KCNQ1: variants seen among roughly 807,000 people sequenced by gnomAD.
KCNQ1 encodes potassium voltage-gated channel subfamily Q member 1, also known as potassium voltage-gated channel subfamily KQT member 1.
KCNQ1 carries 49 observed loss-of-function variants against 72.4 expected under a neutral mutation model. That is an observed-to-expected ratio of 0.68 (90% CI 0.54 to 0.86). KCNQ1 has a LOEUF of 0.86. KCNQ1 is among the 40% of genes least tolerant of loss of function. The pLI, the probability that KCNQ1 is intolerant of heterozygous loss-of-function variation, is 0.00. For synonymous variants in KCNQ1, 450 were observed against 412.6 expected, an observed-to-expected ratio of 1.09 and a Z score of -1.10; for missense variants, 790 against 945.1, an observed-to-expected ratio of 0.84 and a Z score of 2.15.
rs1323067035 is a variant in KCNQ1 at position 2,715,027 on chromosome 11, G to T, written c.1514+52946G>T. Among the ~76,000 whole-genome samples, 1 of 152,150 alleles carries T rather than the reference G, an allele frequency of 6.6e-6. No homozygotes were observed. The highest frequency in any genetic ancestry group is 1.5e-5 in the Non-Finnish European group (1 of 68,014). On this transcript the variant is annotated intron_variant, in intron 11 of 15. Transcript: ENST00000155840. This position sits in a 1 kb window ranked among gnomAD's most constrained non-coding sequence, Gnocchi z 4.9. ...CAGAGCTCCAGGGTGCAGCTGGGCA[G>T]ATTGCCGGTGGTTGGTGCTGGTGAG...
rs1050352990 is a variant in KCNQ1 at position 2,589,712 on chromosome 11, G to A, written c.1393+858G>A. ...CCCATGCCTCCCGCCAACTTCTGCT[G>A]TTCCCAGAAGTGCAGCTGGCTGAGC... On this transcript the variant is annotated intron_variant, in intron 10 of 15. Coordinates refer to ENST00000155840, the MANE Select transcript of KCNQ1 (RefSeq NM_000218.3). 3.3e-5 allele frequency among the ~76,000 whole-genome samples: 5 copies of A among 152,198 alleles called. No homozygotes were observed. In the South Asian group the frequency reaches 8.3e-4, roughly 25 times the overall value.
At chr11:2,835,425 A>G (rs1296717282) in intron 15 of KCNQ1, among the ~76,000 whole-genome samples, 2 of 141,600 alleles carry the variant, frequency 1.4e-5, no homozygotes, top group African/African-American at 2.7e-5. Context: ...ACACACACAC[A>G]CACGCACACA....
rs539347410 is a variant in KCNQ1 at position 2,789,677 on chromosome 11, GC to G, written c.1794+11643del. Among the ~76,000 whole-genome samples, 27 of 152,336 alleles carry G rather than the reference GC, an allele frequency of 1.8e-4. No individual in the cohort carries two copies. In the South Asian group the frequency reaches 5.6e-3, roughly 32 times the overall value. On this transcript the variant is annotated intron_variant, in intron 15 of 15. Transcript: ENST00000155840. ...GGGCCGTCGGCCTCCCCCTTCCCAG[GC>G]CCAGCTCCTGGGCACTGGGACCACC...
At position 2,781,584 on chromosome 11, in the gene KCNQ1, C is replaced by T. The variant is rs1303706809; in HGVS notation, c.1794+3547C>T. ...GGGCTGGCAGTCTGTGTGGGGGCTG[C>T]ATACCCCAGACATTCTGAGGAATCG... On this transcript the variant is annotated intron_variant, in intron 15 of 15. Transcript: ENST00000155840. The surrounding 1 kb of genome is among the most constrained non-coding windows in gnomAD (Gnocchi z 6.6). Among the ~76,000 whole-genome samples, 2 of 152,224 alleles carry T rather than the reference C, an allele frequency of 1.3e-5. No homozygotes were observed. The highest frequency in any genetic ancestry group is 2.9e-5 in the Non-Finnish European group (2 of 68,030).
Position 2,668,267 on chromosome 11 carries a change from T to C in KCNQ1, c.1514+6186T>C. The C allele has an allele frequency of 7.5e-6, 3 of 398,640 alleles. No individual in the cohort carries two copies. Among genetic ancestry groups the C allele is most frequent in the Non-Finnish European group, 1.3e-5 (3 of 226,102 alleles). 24.7% of individuals were successfully genotyped at this position (398,640 alleles called of 1,614,324 possible). ...TCTGGTGTAGGTTGCTGTTTAAGAA[T>C]ATTCTGTACATGCTTTTGGTGAGCA... On this transcript the variant is annotated intron_variant, in intron 11 of 15. Coordinates refer to ENST00000155840, the MANE Select transcript of KCNQ1 (RefSeq NM_000218.3). The surrounding 1 kb of genome is among the most constrained non-coding windows in gnomAD (Gnocchi z 4.3).
rs878854350 is a variant in KCNQ1, at chr11:2,776,984, A to G, written c.1686-2A>G. The stretch of plus-strand genomic sequence containing the variant: ...AACTGGTGTCTGTGTCCTTCTCTCC[A>G]GGCTGGACCAGTCCATTGGGAAGCC... On this transcript the variant is annotated splice_acceptor_variant, in intron 13 of 15. Coordinates refer to ENST00000155840, the MANE Select transcript of KCNQ1 (RefSeq NM_000218.3). LOFTEE classifies it high-confidence loss of function. 4 of 1,614,038 alleles carry G rather than the reference A, an allele frequency of 2.5e-6. No individual in the cohort carries two copies. The South Asian group carries it at 3.3e-5, about 13-fold the overall frequency.
chr11:2,759,263 G>A lies in KCNQ1; in HGVS notation c.1515-9581G>A, dbSNP rs1158345050. Among the ~76,000 whole-genome samples the A allele has an allele frequency of 6.6e-6, 1 of 152,200 alleles. No individual in the cohort carries two copies. Among genetic ancestry groups the A allele is most frequent in the African/African-American group, 2.4e-5 (1 of 41,444 alleles). On this transcript the variant is annotated intron_variant, in intron 11 of 15. Coordinates refer to ENST00000155840, the MANE Select transcript of KCNQ1 (RefSeq NM_000218.3). This position sits in a 1 kb window ranked among gnomAD's most constrained non-coding sequence, Gnocchi z 4.4. Reference sequence around the variant, plus strand: ...AGGAAGAGTCTGGAAGGCCTGCAAGGCCCTCATGCCTACGAGGTGGCTGCT... The same window carrying A: ...AGGAAGAGTCTGGAAGGCCTGCAAGACCCTCATGCCTACGAGGTGGCTGCT...
At chr11:2,822,114 C>T (rs1015777199) in intron 15 of KCNQ1, among the ~76,000 whole-genome samples, 1 of 152,160 alleles carries the variant, frequency 6.6e-6, no homozygotes, top group Non-Finnish European at 1.5e-5. Context: ...GCTTTGAAGA[C>T]GGAGGAGGGG....
intron 11 of KCNQ1, among the ~76,000 whole-genome samples, chr11:2,721,383 T>C (rs1851200221): frequency 6.6e-6 from 1 of 152,210 alleles, no homozygotes; most frequent in East Asian, 1.9e-4. Flanking sequence ...GGGCGCTTTG[T>C]AGCGAGGCCG....
In KCNQ1 at chr11:2,723,254, A is replaced by G. The variant is rs951341840; in HGVS notation, c.1515-45590A>G. On this transcript the variant is annotated intron_variant, in intron 11 of 15. Coordinates refer to ENST00000155840, the MANE Select transcript of KCNQ1 (RefSeq NM_000218.3). This position sits in a 1 kb window ranked among gnomAD's most constrained non-coding sequence, Gnocchi z 4.2. ...ACCCCACTCCCTGCCGCCCTGGACAAGGTGCCCACGGCCCTGTCCCATTTA... is the reference window on the plus strand; with the variant it reads ...ACCCCACTCCCTGCCGCCCTGGACAGGGTGCCCACGGCCCTGTCCCATTTA... Among the ~76,000 whole-genome samples the G allele has an allele frequency of 6.6e-6, 1 of 152,204 alleles. No individual in the cohort carries two copies. The highest frequency in any genetic ancestry group is 6.5e-5 in the Admixed American group (1 of 15,288).
rs1034817784 is a variant in KCNQ1 at position 2,462,367 on chromosome 11, T to C, written c.386+16883T>C. Among the ~76,000 whole-genome samples the C allele has an allele frequency of 3.9e-5, 6 of 152,126 alleles. No homozygotes were observed. Among genetic ancestry groups the C allele is most frequent in the African/African-American group, 4.8e-5 (2 of 41,416 alleles). Reference sequence around the variant, plus strand: ...CTCCTCCTCCTTCTGACTTGCCTCCTCTCTCTGACGGGCCTGCTCCTGAGC... The same window carrying C: ...CTCCTCCTCCTTCTGACTTGCCTCCCCTCTCTGACGGGCCTGCTCCTGAGC... On this transcript the variant is annotated intron_variant, in intron 1 of 15. Coordinates refer to ENST00000155840, the MANE Select transcript of KCNQ1 (RefSeq NM_000218.3). This position sits in a 1 kb window ranked among gnomAD's most constrained non-coding sequence, Gnocchi z 8.2.
Position 2,627,018 on chromosome 11 carries a change from T to G in KCNQ1, c.1394-34943T>G. 5.0e-6 allele frequency: 2 copies of G among 398,630 alleles called. No homozygotes were observed. The highest frequency in any genetic ancestry group is 8.8e-6 in the Non-Finnish European group (2 of 226,070). The allele number at this position is 398,630 out of a possible 1,614,324, so 24.7% of individuals were successfully genotyped here. On this transcript the variant is annotated intron_variant, in intron 10 of 15. Coordinates refer to ENST00000155840, the MANE Select transcript of KCNQ1 (RefSeq NM_000218.3). The surrounding 1 kb of genome is among the most constrained non-coding windows in gnomAD (Gnocchi z 4.9). ...ATTTGTAGATTGTTTTGTGTGGTAC[T>G]GACACCTTAACAATATTGGCCTTCC...
intron 1 of KCNQ1, among the ~76,000 whole-genome samples, chr11:2,505,090 T>C (rs1398569735): frequency 6.6e-6 from 1 of 152,028 alleles, no homozygotes; most frequent in Non-Finnish European, 1.5e-5. Context: ...CCAGGACACA[T>C]GTGCAGGACA....
In KCNQ1 at chr11:2,670,175, C is replaced by T. The variant is rs1369248695; in HGVS notation, c.1514+8094C>T. 82 of 398,650 alleles carry T rather than the reference C, an allele frequency of 2.1e-4. No individual in the cohort carries two copies. In the East Asian group the frequency reaches 2.9e-3, roughly 14 times the overall value. 24.7% of individuals were successfully genotyped at this position (398,650 alleles called of 1,614,324 possible). On this transcript the variant is annotated intron_variant, in intron 11 of 15. Coordinates refer to ENST00000155840, the MANE Select transcript of KCNQ1 (RefSeq NM_000218.3). This position sits in a 1 kb window ranked among gnomAD's most constrained non-coding sequence, Gnocchi z 4.9. Reference sequence around the variant, plus strand: ...TGTCGGGCCCATCTGCCAAGGCAAGCACCCACATTAAAGCAGAGTGAAGAG... The same window carrying T: ...TGTCGGGCCCATCTGCCAAGGCAAGTACCCACATTAAAGCAGAGTGAAGAG...
Position 2,670,020 on chromosome 11 carries a change from G to A in KCNQ1, c.1514+7939G>A, listed in dbSNP as rs772029661. ...GGGGTTCAGGAGCTGTTGGGGTCCC[G>A]TGGAGGTACAGGCGGAAACCTAGCA... On this transcript the variant is annotated intron_variant, in intron 11 of 15. Coordinates refer to ENST00000155840, the MANE Select transcript of KCNQ1 (RefSeq NM_000218.3). This position sits in a 1 kb window ranked among gnomAD's most constrained non-coding sequence, Gnocchi z 4.9. 14 of 398,526 alleles carry A rather than the reference G, an allele frequency of 3.5e-5. No homozygotes were observed. The highest frequency in any genetic ancestry group is 6.2e-4 in the Middle Eastern group (1 of 1,610). 24.7% of individuals were successfully genotyped at this position (398,526 alleles called of 1,614,324 possible). A position where few individuals can be genotyped will look rare whatever the true frequency, so the allele number is the denominator to read the frequency against.
At position 2,592,398 on chromosome 11, in the gene KCNQ1, G is replaced by A. The variant is rs749482851; in HGVS notation, c.1393+3544G>A. Among the ~76,000 whole-genome samples, 31 of 152,166 alleles carry A rather than the reference G, an allele frequency of 2.0e-4. No individual in the cohort carries two copies. The highest frequency in any genetic ancestry group is 1.0e-3 in the Admixed American group (16 of 15,292). ...GCATCAGAACACAGACTAACCTGCA[G>A]CAAAAATGGGCTGTGTGGTCCCTGT... On this transcript the variant is annotated intron_variant, in intron 10 of 15. Transcript: ENST00000155840. The surrounding 1 kb of genome is among the most constrained non-coding windows in gnomAD (Gnocchi z 5.2).
chr11:2,472,997 C>T (rs1846513418), intron 1 of KCNQ1, among the ~76,000 whole-genome samples: 1 of 151,870 alleles, frequency 6.6e-6, no homozygotes, highest in Non-Finnish European at 1.5e-5. Flanking sequence ...CTGGGAGAAG[C>T]CTGCATATGA....
chr11:2,659,888 T>G lies in KCNQ1; in HGVS notation c.1394-2073T>G, dbSNP rs12574151. 38,962 of 398,452 alleles carry G rather than the reference T, an allele frequency of 0.098. 2,022 individuals are homozygous for G. Among genetic ancestry groups the G allele is most frequent in the Non-Finnish European group, 0.12 (26,356 of 225,996 alleles). 24.7% of individuals were successfully genotyped at this position (398,452 alleles called of 1,614,324 possible). On this transcript the variant is annotated intron_variant, in intron 10 of 15. Coordinates refer to ENST00000155840, the MANE Select transcript of KCNQ1 (RefSeq NM_000218.3). The surrounding 1 kb of genome is among the most constrained non-coding windows in gnomAD (Gnocchi z 4.3). Reference sequence around the variant, plus strand: ...TTTATAATCCATTTTTAAAATTGGATTGTTCACTTTATTGTCAAGTTGTAA... The same window carrying G: ...TTTATAATCCATTTTTAAAATTGGAGTGTTCACTTTATTGTCAAGTTGTAA...
At position 2,445,325 on chromosome 11, in the gene KCNQ1, C is replaced by A. The variant is rs1385830454; in HGVS notation, c.227C>A (p.Ala76Asp). Residue 76 changes from alanine to aspartate, a missense_variant, in exon 1 of 16, where the codon GCC becomes GAC. By Grantham distance (126) the Ala-to-Asp change is moderately radical. This residue lies in a region of KCNQ1 where 294 missense variants were observed against 323.3 expected (regional missense o/e 0.91). Coordinates refer to ENST00000155840, the MANE Select transcript of KCNQ1 (RefSeq NM_000218.3). Reference protein sequence around the residue: ...SPAAPAAPPVASDLGPRPPVS... With the variant: ...SPAAPAAPPVDSDLGPRPPVS... ...GCCGCGCCCGCCGCGCCCCCAGTTG[C>A]CTCCGACCTTGGCCCGCGGCCGCCG... 1 of 1,575,874 alleles carries A rather than the reference C, an allele frequency of 6.3e-7. No homozygotes were observed. The highest frequency in any genetic ancestry group is 8.6e-7 in the Non-Finnish European group (1 of 1,169,164).
Sources: allele counts gnomAD v4.1 joint callset (sites outside exome capture counted in the v4.1 genomes callset), GRCh38; gene constraint gnomAD v4.1.1; regional missense constraint gnomAD v4.1.1; non-coding constraint Gnocchi (gnomAD v3.1); transcripts MANE v1.5; gene names NCBI Gene and HGNC (gene_info 2026-07-23, HGNC 2026-07-21).